Variants in OC90 observed in about 807,000 individuals in gnomAD.
The protein encoded by OC90 is otoconin 90.
Under a neutral mutation model 47.3 loss-of-function variants are expected in OC90, and 46 were observed. The observed-to-expected ratio is 0.97, with a 90% CI of 0.77 to 1.24. The LOEUF (loss-of-function observed/expected upper bound fraction) is 1.24, where lower values mean the gene tolerates loss of function less well. Ranked by LOEUF, OC90 falls within the 50% of genes most tolerant of loss-of-function variation. The pLI is 0.00. For missense variants in OC90, 688 were observed against 583.9 expected, an observed-to-expected ratio of 1.18 and a Z score of -1.84; for synonymous variants, 271 against 219.5, an observed-to-expected ratio of 1.23 and a Z score of -2.07.
At chr8:132,043,277 T>C (rs1823080059) in intron 4 of OC90, among the ~76,000 whole-genome samples, 1 of 152,258 alleles carries the variant, frequency 6.6e-6, no homozygotes, top group Non-Finnish European at 1.5e-5. Flanking sequence ...ATTTGTTTTG[T>C]CTGTTGTCCC....
chr8:132,038,559 T>C (rs1289677697), intron 8 of OC90, among the ~76,000 whole-genome samples: 2 of 152,236 alleles, frequency 1.3e-5, no homozygotes, highest in Non-Finnish European at 2.9e-5. Context: ...AAATTCACAC[T>C]TGTCCACACA....
chr8:132,038,690 G>T, intron 8 of OC90, 100 bp downstream of exon 8: 1 of 904,338 alleles, frequency 1.1e-6, no homozygotes, highest in Non-Finnish European at 1.8e-6. Context: ...AGTCACTCCA[G>T]CTCCAGTGAG....
At position 132,039,038 on chromosome 8, in the gene OC90, G is replaced by C. The variant is rs1823012423; in HGVS notation, c.543C>G (p.Ser181=). ...ECLARSSLNS[S]LNLLDTSFCL... ...AGAAGGAGGTGTCCAGAAGGTTCAGGGAAGAGTTGAGGCTGGATCGAGCCA... is the reference window on the plus strand; with the variant it reads ...AGAAGGAGGTGTCCAGAAGGTTCAGCGAAGAGTTGAGGCTGGATCGAGCCA... The change falls in exon 7 of 14, where the codon TCC becomes TCG. Residue 181 remains serine, a synonymous_variant. Transcript: ENST00000254627. The C allele has an allele frequency of 1.2e-6, 2 of 1,613,830 alleles. No homozygotes were observed. Among genetic ancestry groups the C allele is most frequent in the African/African-American group, 1.3e-5 (1 of 74,914 alleles).
In OC90 at chr8:132,024,274, T is replaced by C. The variant is rs1822719708; in HGVS notation, c.*207A>G. 4.0e-6 allele frequency: 2 copies of C among 494,182 alleles called. No homozygotes were observed. Among genetic ancestry groups the C allele is most frequent in the African/African-American group, 1.9e-5 (1 of 52,982 alleles). 30.6% of individuals were successfully genotyped at this position (494,182 alleles called of 1,614,324 possible). On this transcript the variant is annotated 3_prime_UTR_variant, in exon 14 of 14. Transcript: ENST00000254627. ...GCACTAAAGGAGCATGGAGGTACCATGGTGTGCCTTCTCCAAGTGTACATT... is the reference window on the plus strand; with the variant it reads ...GCACTAAAGGAGCATGGAGGTACCACGGTGTGCCTTCTCCAAGTGTACATT...
At chr8:132,057,849 AG>A (rs775130114) in intron 1 of OC90, among the ~76,000 whole-genome samples, 291 of 152,206 alleles carry the variant, frequency 1.9e-3, no homozygotes, top group Non-Finnish European at 3.3e-3. Context: ...CTGGGCTCAG[AG>A]GGTGAGTCAC....
At chr8:132,053,788 C>A (rs531834390) in intron 2 of OC90, among the ~76,000 whole-genome samples, 1 of 152,194 alleles carries the variant, frequency 6.6e-6, no homozygotes, top group South Asian at 2.1e-4. Context: ...GCCAAGGGAT[C>A]TCCCTCTCCT....
At position 132,032,046 on chromosome 8, in the gene OC90, TC is replaced by T. The variant is rs1271744598; in HGVS notation, c.865del (p.Asp289ThrfsTer16). On this transcript the variant is annotated frameshift_variant, in exon 12 of 14. Coordinates refer to ENST00000254627, the MANE Select transcript of OC90 (RefSeq NM_001080399.3). LOFTEE classifies it high-confidence loss of function. ...DPEETTEKAC[D>X]RFTFLHLGSG... ...TCCCAGGTGCAGGAAGGTGAATCTG[TC>T]ACAGGCTGAAAGGAACAGGAATTGT... 3 of 1,613,614 alleles carry T rather than the reference TC, an allele frequency of 1.9e-6. No homozygotes were observed. In the Admixed American group the frequency reaches 5.0e-5, roughly 27 times the overall value.
intron 13 of OC90, 45 bp downstream of exon 13, chr8:132,029,028 G>C: frequency 7.6e-7 from 1 of 1,322,376 alleles, no homozygotes; most frequent in South Asian, 1.2e-5. Flanking sequence ...TCACGATGCT[G>C]ACCTCAATGA....
At chr8:132,047,176 G>C (rs1003790262) in intron 2 of OC90, among the ~76,000 whole-genome samples, 41 of 152,176 alleles carry the variant, frequency 2.7e-4, no homozygotes, top group Admixed American at 7.2e-4. Flanking sequence ...CCACTGGTGA[G>C]AGGAATAACA....
In OC90 at chr8:132,038,805, T is replaced by C; in HGVS notation, c.613A>G (p.Thr205Ala). The C allele has an allele frequency of 6.2e-7, 1 of 1,613,834 alleles. No homozygotes were observed. The highest frequency in any genetic ancestry group is 1.1e-5 in the South Asian group (1 of 91,036). The change falls in exon 8 of 14, where the codon ACA becomes GCA. Residue 205 changes from threonine to alanine, a missense_variant. Thr to Ala is a moderately conservative substitution (Grantham distance 58). Transcript: ENST00000254627. ...GAGGCCTTACCTCTGGGCAGAAGTG[T>C]TGTCAAGTCTTCCTTGATGGTTGTC... is the stretch of plus-strand genomic sequence containing the variant. ...PETTIKEDLT[T>A]LLPRVVPVEP...
intron 2 of OC90, among the ~76,000 whole-genome samples, chr8:132,047,903 A>G (rs1004544316): frequency 3.3e-5 from 5 of 152,192 alleles, no homozygotes; most frequent in African/African-American, 1.2e-4. Flanking sequence ...AGGTGATGGT[A>G]TTAGAAATCA....
rs1033614805 is a variant in OC90 at position 132,041,093 on chromosome 8, G to A, written c.408C>T (p.Pro136=). 2.7e-5 allele frequency: 44 copies of A among 1,613,514 alleles called. No homozygotes were observed. The highest frequency in any genetic ancestry group is 6.7e-5 in the African/African-American group (5 of 74,920). ...AATTGACCTCTGTGCTAAGTTTGGCGGGGTCTTGGAGACAGTCCATCTCAG... is the reference window on the plus strand; with the variant it reads ...AATTGACCTCTGTGCTAAGTTTGGCAGGGTCTTGGAGACAGTCCATCTCAG... ...EAAEMDCLQD[P]AKLSTEVNCV... is the part of the protein sequence containing the mutation. The change falls in exon 6 of 14, where the codon CCC becomes CCT. Residue 136 remains proline (P), a synonymous_variant. Coordinates refer to ENST00000254627, the MANE Select transcript of OC90 (RefSeq NM_001080399.3).
intron 3 of OC90, among the ~76,000 whole-genome samples, chr8:132,045,140 A>G (rs1232379662): frequency 2.0e-5 from 3 of 152,332 alleles, no homozygotes; most frequent in Admixed American, 2.0e-4. Flanking sequence ...CCTGGTGGGC[A>G]TTGCACTTCC....
At chr8:132,047,557 AATAG>A (rs1279776368) in intron 2 of OC90, among the ~76,000 whole-genome samples, 2 of 152,202 alleles carry the variant, frequency 1.3e-5, no homozygotes, top group East Asian at 1.9e-4. Context: ...GTATGCACAT[AATAG>A]CATGATCCAA....
At chr8:132,059,219 TTCTC>T (rs1823315270) in intron 1 of OC90, 118 bp downstream of exon 1, 1 of 135,710 alleles carries the variant, frequency 7.4e-6, no homozygotes, top group Non-Finnish European at 1.6e-5. Flanking sequence ...CTCCCCCTCC[TTCTC>T]TTTCTCCCTC....
intron 4 of OC90, among the ~76,000 whole-genome samples, chr8:132,042,108 G>A (rs903573011): frequency 2.1e-4 from 5 of 23,660 alleles, no homozygotes; most frequent in Non-Finnish European, 3.3e-4. Context: ...TTCTAGCAAC[G>A]AATAAAGGCA....
intron 2 of OC90, among the ~76,000 whole-genome samples, chr8:132,049,031 T>C (rs1424513747): frequency 1.3e-5 from 2 of 151,486 alleles, no homozygotes; most frequent in Non-Finnish European, 2.9e-5. Context: ...GATAATTCCA[T>C]GGTGAAACAA....
chr8:132,025,635 A>G (rs376812796), intron 13 of OC90, among the ~76,000 whole-genome samples: 16 of 152,216 alleles, frequency 1.1e-4, no homozygotes, highest in African/African-American at 3.9e-4. Flanking sequence ...GTAAATCTGT[A>G]AGAGCCCTGA....
intron 1 of OC90, among the ~76,000 whole-genome samples, chr8:132,057,055 A>G (rs992577492): frequency 7.9e-5 from 12 of 152,326 alleles, no homozygotes; most frequent in African/African-American, 2.4e-4. Flanking sequence ...AACAGTACCT[A>G]TCTGTGAGGC....
Sources: allele counts gnomAD v4.1 joint callset (sites outside exome capture counted in the v4.1 genomes callset), GRCh38; gene constraint gnomAD v4.1.1; transcripts MANE v1.5; gene names NCBI Gene and HGNC (gene_info 2026-07-23, HGNC 2026-07-21).